Variants in LRP12 observed in about 807,000 individuals in gnomAD.
LRP12 encodes the protein LDL receptor related protein 12.
LRP12 carries 14 observed loss-of-function variants against 66.0 expected under a neutral mutation model. That is an observed-to-expected ratio of 0.21 (90% CI 0.14 to 0.33). LRP12 has a LOEUF of 0.33. LRP12 is among the 10% of genes least tolerant of loss of function. The pLI is 1.00. For missense variants in LRP12, 889 were observed against 1,053.4 expected (o/e 0.84, Z 2.16); for synonymous variants, 357 against 359.1 (o/e 0.99, Z 0.07).
intron 1 of LRP12, among the ~76,000 whole-genome samples, chr8:104,563,588 C>T (rs971176875): frequency 6.6e-6 from 1 of 152,070 alleles, no homozygotes; most frequent in Admixed American, 6.5e-5. Context: ...GAAATCCTAA[C>T]TCCTAAGGTT....
At chr8:104,550,258 C>A (rs1200220738) in intron 1 of LRP12, among the ~76,000 whole-genome samples, 1 of 152,090 alleles carries the variant, frequency 6.6e-6, no homozygotes. Context: ...GCAAGTGGTG[C>A]TACCAGTATT....
intron 1 of LRP12, among the ~76,000 whole-genome samples, chr8:104,586,874 A>G (rs1812341707): frequency 6.6e-6 from 1 of 151,962 alleles, no homozygotes; most frequent in African/African-American, 2.4e-5. Context: ...GTGGCTTGAG[A>G]CATCAACCTT....
intron 1 of LRP12, among the ~76,000 whole-genome samples, chr8:104,535,077 A>G (rs1020905749): frequency 1.3e-5 from 2 of 151,904 alleles, no homozygotes; most frequent in Non-Finnish European, 2.9e-5. Context: ...ACACATTAGC[A>G]GCTAATTATG....
At chr8:104,560,609 T>C (rs903367268) in intron 1 of LRP12, among the ~76,000 whole-genome samples, 1 of 152,206 alleles carries the variant, frequency 6.6e-6, no homozygotes. Context: ...TTGTGAAGTA[T>C]GTTGAAGCAA....
chr8:104,531,656 G>A (rs1811326189), intron 2 of LRP12, among the ~76,000 whole-genome samples: 1 of 152,018 alleles, frequency 6.6e-6, no homozygotes, highest in African/African-American at 2.4e-5. Flanking sequence ...CTTTTCTCTA[G>A]GTTCAATGTT....
At chr8:104,520,111 A>T (rs556330514) in intron 2 of LRP12, among the ~76,000 whole-genome samples, 4 of 152,020 alleles carry the variant, frequency 2.6e-5, no homozygotes, top group African/African-American at 4.8e-5. Context: ...AGAGCAAAGA[A>T]ACTGAATATA....
intron 3 of LRP12, chr8:104,508,075 T>TA (rs1159868576): frequency 6.6e-6 from 1 of 152,234 alleles, no homozygotes; most frequent in Non-Finnish European, 1.5e-5. Flanking sequence ...TGAAAACATG[T>TA]TGAAGGTGCC....
chr8:104,584,655 C>T (rs1188204707), intron 1 of LRP12, among the ~76,000 whole-genome samples: 2 of 120,928 alleles, frequency 1.7e-5, no homozygotes, highest in African/African-American at 8.1e-5. Context: ...TTAATACTTT[C>T]TGCCCTGATA....
At chr8:104,563,374 G>C (rs903723971) in intron 1 of LRP12, among the ~76,000 whole-genome samples, 7 of 152,212 alleles carry the variant, frequency 4.6e-5, no homozygotes, top group African/African-American at 1.7e-4. Context: ...TGGTAAATAA[G>C]TTGCTCAAGG....
At chr8:104,542,452 T>A (rs1419369516) in intron 1 of LRP12, among the ~76,000 whole-genome samples, 1 of 152,192 alleles carries the variant, frequency 6.6e-6, no homozygotes, top group Non-Finnish European at 1.5e-5. Flanking sequence ...ATAAGCTGAC[T>A]TTTCAGTGTC....
chr8:104,548,366 T>C (rs1188726757), intron 1 of LRP12, among the ~76,000 whole-genome samples: 1 of 80,612 alleles, frequency 1.2e-5, no homozygotes, highest in East Asian at 3.5e-4. Flanking sequence ...ATATATTATA[T>C]AAATATATTA....
chr8:104,585,114 G>C (rs1812309453), intron 1 of LRP12, among the ~76,000 whole-genome samples: 1 of 152,228 alleles, frequency 6.6e-6, no homozygotes, highest in Non-Finnish European at 1.5e-5. Flanking sequence ...GCTGTGAACA[G>C]TTCTACGACT....
At chr8:104,559,644 T>TA in intron 1 of LRP12, among the ~76,000 whole-genome samples, 1 of 152,014 alleles carries the variant, frequency 6.6e-6, no homozygotes. Flanking sequence ...AAAAATAGTT[T>TA]AGAGAGAAAG....
chr8:104,509,926 G>A (rs187811453), intron 2 of LRP12, among the ~76,000 whole-genome samples: 1 of 152,126 alleles, frequency 6.6e-6, no homozygotes, highest in African/African-American at 2.4e-5. Flanking sequence ...ATTCACTGAG[G>A]GTCTTGAAGG....
At chr8:104,509,183 A>G (rs2140843238) in intron 2 of LRP12, 109 bp from the exon 3 acceptor site, 1 of 875,416 alleles carries the variant, frequency 1.1e-6, no homozygotes, top group East Asian at 2.5e-5. Context: ...TCAAATAATA[A>G]CCAATAAGAT....
At chr8:104,506,680 T>G (rs1242272851) in intron 3 of LRP12, 1 of 152,168 alleles carries the variant, frequency 6.6e-6, no homozygotes, top group Non-Finnish European at 1.5e-5. Context: ...TGGAGCAAAA[T>G]TGCCCGTCCC....
intron 1 of LRP12, among the ~76,000 whole-genome samples, chr8:104,542,994 A>AATATAAATATATATATATATATATATAT (rs544043214): frequency 1.2e-4 from 18 of 144,112 alleles, no homozygotes; most frequent in African/African-American, 3.7e-4. Context: ...AACACACACA[A>AATATAAATATATATATATATATATATAT]ATATATATAT....
chr8:104,544,374 G>C (rs920119093), intron 1 of LRP12, among the ~76,000 whole-genome samples: 4 of 152,166 alleles, frequency 2.6e-5, no homozygotes, highest in Admixed American at 1.3e-4. Flanking sequence ...TTATCTAGAA[G>C]ATCTAGCTAA....
intron 1 of LRP12, among the ~76,000 whole-genome samples, chr8:104,573,404 C>A (rs1322286426): frequency 6.6e-6 from 1 of 152,154 alleles, no homozygotes; most frequent in Non-Finnish European, 1.5e-5. Flanking sequence ...CACACAGCTC[C>A]TGCCTTCAGA....
Sources: gnomAD v4.1 joint callset for allele counts (sites outside exome capture counted in the v4.1 genomes callset) on GRCh38, gnomAD v4.1.1 for gene constraint, MANE v1.5 for transcripts, NCBI Gene and HGNC (gene_info 2026-07-23, HGNC 2026-07-21) for gene names.